Variants in CCER2 observed in about 807,000 individuals in gnomAD.
CCER2 encodes the protein coiled-coil domain-containing glutamate-rich protein 2.
In CCER2, 20 loss-of-function variants were observed where a neutral mutation model predicts 27.1. That is an observed-to-expected ratio of 0.74 (90% CI 0.52 to 1.07). The LOEUF (loss-of-function observed/expected upper bound fraction) is 1.07, where lower values mean the gene tolerates loss of function less well. Among genes scored for constraint, CCER2 ranks in the 50% least tolerant of loss-of-function variants. The pLI is 0.00. For synonymous variants in CCER2, 140 were observed against 144.3 expected (o/e 0.97, Z 0.21); for missense variants, 351 against 344.7 (o/e 1.02, Z -0.14).
In CCER2 at chr19:38,910,926, C is replaced by T; in HGVS notation, c.348G>A (p.Glu116=). The change falls in exon 4 of 5, where the codon GAG becomes GAA. Residue 116 remains glutamate, a synonymous_variant. Transcript: ENST00000571838. ...GCATGCGGATGGCTTGTTCCTGGAC[C>T]TCAGACTTGTGGGTCCTCTCTGCTA... ...EEVAERTHKS[E]VQEQAIRMQG... The T allele has an allele frequency of 6.6e-7, 1 of 1,519,214 alleles. No homozygotes were observed. The highest frequency in any genetic ancestry group is 8.8e-7 in the Non-Finnish European group (1 of 1,138,386). The allele number at this position is 1,519,214 out of a possible 1,614,324, so 94.1% of individuals were successfully genotyped here.
chr19:38,909,240 C>T lies in CCER2; in HGVS notation c.797G>A (p.Gly266Asp), dbSNP rs1323046523. The T allele has an allele frequency of 6.5e-7, 1 of 1,535,258 alleles. No homozygotes were observed. The highest frequency in any genetic ancestry group is 1.4e-5 in the African/African-American group (1 of 72,996). ...AAGGAGGGACTGAGGTAGGGGTCAG[C>T]CCTCCCTCCTGAGCTGCTCCCCCAG... ...ETLGEQLRREG is the reference protein window; with the variant it reads ...ETLGEQLRRED The change falls in exon 5 of 5, where the codon GGC becomes GAC. Residue 266 changes from glycine (G) to aspartate (D), a missense_variant. Gly to Asp is a moderately conservative substitution (Grantham distance 94). Transcript: ENST00000571838.
In CCER2 at chr19:38,911,603, C is replaced by G. The variant is rs1422731690; in HGVS notation, c.153G>C (p.Gln51His). The G allele has an allele frequency of 3.3e-6, 5 of 1,535,362 alleles. No homozygotes were observed. ...GAGCAGTGCAGGGTCCTCTCTGGACCTGGCCCACGGTCAGCACCTCTGTGA... is the reference window on the plus strand; with the variant it reads ...GAGCAGTGCAGGGTCCTCTCTGGACGTGGCCCACGGTCAGCACCTCTGTGA... ...EVVTEVLTVG[Q>H]VQRGPCTALL... The change falls in exon 3 of 5, where the codon CAG becomes CAC. Residue 51 changes from glutamine (Q) to histidine (H), a missense_variant. Gln to His is a conservative substitution (Grantham distance 24, BLOSUM62 0). Coordinates refer to ENST00000571838, the MANE Select transcript of CCER2 (RefSeq NM_001243212.2).
intron 4 of CCER2, 62 bp downstream of exon 4, chr19:38,910,501 C>G (rs1025192832): frequency 2.0e-5 from 28 of 1,431,342 alleles, no homozygotes; most frequent in Non-Finnish European, 2.4e-5. Flanking sequence ...TGTGACTCCA[C>G]TGACCATCAT....
At chr19:38,911,178 G>T in intron 3 of CCER2, 95 bp from the exon 4 acceptor site, 1 of 1,245,806 alleles carries the variant, frequency 8.0e-7, no homozygotes, top group Non-Finnish European at 1.1e-6. Context: ...ACTTTGGGAG[G>T]CCGTGGCGGC....
In CCER2 at chr19:38,909,013, T is replaced by G; in HGVS notation, c.*223A>C. 9.5e-7 allele frequency: 1 copy of G among 1,054,498 alleles called. No individual in the cohort carries two copies. The highest frequency in any genetic ancestry group is 1.3e-6 in the Non-Finnish European group (1 of 743,610). The allele number at this position is 1,054,498 out of a possible 1,614,324, so 65.3% of individuals were successfully genotyped here. On this transcript the variant is annotated 3_prime_UTR_variant, in exon 5 of 5. Coordinates refer to ENST00000571838, the MANE Select transcript of CCER2 (RefSeq NM_001243212.2). Reference sequence around the variant, plus strand: ...TTTGTGCTTTATTCACTCAGAAGGGTTGGAGTGGGAGTGCATAGGTGTGGG... The same window carrying G: ...TTTGTGCTTTATTCACTCAGAAGGGGTGGAGTGGGAGTGCATAGGTGTGGG...
At position 38,909,032 on chromosome 19, in the gene CCER2, G is replaced by T; in HGVS notation, c.*204C>A. 1.1e-6 allele frequency: 1 copy of T among 944,068 alleles called. No individual in the cohort carries two copies. The highest frequency in any genetic ancestry group is 1.7e-5 in the African/African-American group (1 of 60,190). 58.5% of individuals were successfully genotyped at this position (944,068 alleles called of 1,614,324 possible). A position where few individuals can be genotyped will look rare whatever the true frequency, so the allele number is the denominator to read the frequency against. On this transcript the variant is annotated 3_prime_UTR_variant, in exon 5 of 5. Transcript: ENST00000571838. ...GAAGGGTTGGAGTGGGAGTGCATAGGTGTGGGGGTGCTTCCTGTGTCAGGG... is the reference window on the plus strand; with the variant it reads ...GAAGGGTTGGAGTGGGAGTGCATAGTTGTGGGGGTGCTTCCTGTGTCAGGG...
At position 38,909,161 on chromosome 19, in the gene CCER2, G is replaced by C. The variant is rs1974248955; in HGVS notation, c.*75C>G. The C allele has an allele frequency of 1.4e-6, 2 of 1,429,554 alleles. No homozygotes were observed. Among genetic ancestry groups the C allele is most frequent in the Non-Finnish European group, 9.5e-7 (1 of 1,052,350 alleles). 88.6% of individuals were successfully genotyped at this position (1,429,554 alleles called of 1,614,324 possible). On this transcript the variant is annotated 3_prime_UTR_variant, in exon 5 of 5. Transcript: ENST00000571838. ...GGGTAGGGGTGGCGTGGGGTGCTAG[G>C]TGAGGTGGAGGCTTCGGGGTCAACA... is the stretch of plus-strand genomic sequence containing the variant.
At position 38,911,855 on chromosome 19, in the gene CCER2, G is replaced by A; in HGVS notation, c.62-3C>T. On this transcript the variant is annotated splice_region_variant and splice_polypyrimidine_tract_variant and intron_variant, in intron 1 of 4. Transcript: ENST00000571838. ...CGGTGCCAAGGGAGCAGCGGTGGCT[G>A]TGGAGAAAGGAGATGGCACTGGGCT... The A allele has an allele frequency of 6.5e-7, 1 of 1,535,056 alleles. No homozygotes were observed. Among genetic ancestry groups the A allele is most frequent in the South Asian group, 1.2e-5 (1 of 84,036 alleles).
rs1394911856 is a variant in CCER2 at position 38,911,428 on chromosome 19, A to G, written c.190+138T>C. On this transcript the variant is annotated intron_variant, in intron 3 of 4. Transcript: ENST00000571838. Reference sequence around the variant, plus strand: ...GCAGTGCCCCGCTGGTCCAGGCAACAGGGCTCTGGGAATGAGGACCTCTTC... The same window carrying G: ...GCAGTGCCCCGCTGGTCCAGGCAACGGGGCTCTGGGAATGAGGACCTCTTC... 4.0e-6 allele frequency: 3 copies of G among 749,410 alleles called. No individual in the cohort carries two copies. In the Admixed American group the frequency reaches 7.5e-5, roughly 19 times the overall value. 46.4% of individuals were successfully genotyped at this position (749,410 alleles called of 1,614,324 possible).
chr19:38,909,965 C>T (rs952106657), intron 4 of CCER2, among the ~76,000 whole-genome samples: 6 of 151,786 alleles, frequency 4.0e-5, no homozygotes, highest in African/African-American at 9.7e-5. Context: ...CTCAAACTCC[C>T]GGGTTCAAGC....
chr19:38,909,893 A>G (rs1413927794), intron 4 of CCER2, among the ~76,000 whole-genome samples: 2 of 142,128 alleles, frequency 1.4e-5, no homozygotes, highest in South Asian at 2.2e-4. Flanking sequence ...TTTTTTTTTT[A>G]AGATGGTTTT....
chr19:38,912,050 G>C, intron 1 of CCER2, 48 bp downstream of exon 1: 1 of 1,516,196 alleles, frequency 6.6e-7, no homozygotes, highest in Non-Finnish European at 8.8e-7. Context: ...TGGAGTCCCC[G>C]CTCCCCGGCC....
In CCER2 at chr19:38,909,116, G is replaced by C; in HGVS notation, c.*120C>G. The C allele has an allele frequency of 8.6e-7, 1 of 1,160,626 alleles. No homozygotes were observed. Among genetic ancestry groups the C allele is most frequent in the Non-Finnish European group, 1.2e-6 (1 of 824,858 alleles). The allele number at this position is 1,160,626 out of a possible 1,614,324, so 71.9% of individuals were successfully genotyped here. A position where few individuals can be genotyped will look rare whatever the true frequency, so the allele number is the denominator to read the frequency against. ...CTCCTTGGGTGTGGTTCCAAGGCAC[G>C]TCCGCCTCCTCCCCTGTTTGGGTAG... On this transcript the variant is annotated 3_prime_UTR_variant, in exon 5 of 5. Coordinates refer to ENST00000571838, the MANE Select transcript of CCER2 (RefSeq NM_001243212.2).
chr19:38,909,154 G>A lies in CCER2; in HGVS notation c.*82C>T, dbSNP rs943147699. The A allele has an allele frequency of 7.2e-7, 1 of 1,387,050 alleles. No homozygotes were observed. Among genetic ancestry groups the A allele is most frequent in the Admixed American group, 2.0e-5 (1 of 50,156 alleles). The allele number at this position is 1,387,050 out of a possible 1,614,324, so 85.9% of individuals were successfully genotyped here. A position where few individuals can be genotyped will look rare whatever the true frequency, so the allele number is the denominator to read the frequency against. On this transcript the variant is annotated 3_prime_UTR_variant, in exon 5 of 5. Coordinates refer to ENST00000571838, the MANE Select transcript of CCER2 (RefSeq NM_001243212.2). ...CCTGTTTGGGTAGGGGTGGCGTGGGGTGCTAGGTGAGGTGGAGGCTTCGGG... is the reference window on the plus strand; with the variant it reads ...CCTGTTTGGGTAGGGGTGGCGTGGGATGCTAGGTGAGGTGGAGGCTTCGGG...
In CCER2 at chr19:38,909,039, G is replaced by A; in HGVS notation, c.*197C>T. The A allele has an allele frequency of 1.1e-6, 1 of 943,694 alleles. No homozygotes were observed. Among genetic ancestry groups the A allele is most frequent in the South Asian group, 1.7e-5 (1 of 57,910 alleles). The allele number at this position is 943,694 out of a possible 1,614,324, so 58.5% of individuals were successfully genotyped here. A position where few individuals can be genotyped will look rare whatever the true frequency, so the allele number is the denominator to read the frequency against. ...TGGAGTGGGAGTGCATAGGTGTGGGGGTGCTTCCTGTGTCAGGGCTGAGCC... is the reference window on the plus strand; with the variant it reads ...TGGAGTGGGAGTGCATAGGTGTGGGAGTGCTTCCTGTGTCAGGGCTGAGCC... On this transcript the variant is annotated 3_prime_UTR_variant, in exon 5 of 5. Transcript: ENST00000571838.
In CCER2 at chr19:38,911,993, C is replaced by G. The variant is rs1056601606; in HGVS notation, c.61+105G>C. The G allele has an allele frequency of 8.1e-6, 12 of 1,475,202 alleles. No individual in the cohort carries two copies. The Admixed American group carries it at 1.5e-4, about 19-fold the overall frequency. The allele number at this position is 1,475,202 out of a possible 1,614,324, so 91.4% of individuals were successfully genotyped here. On this transcript the variant is annotated intron_variant, in intron 1 of 4. Coordinates refer to ENST00000571838, the MANE Select transcript of CCER2 (RefSeq NM_001243212.2). ...GGTGTACTGTCCCCCGCTGGAGGCTCGGCCCCTGAAGCCTCTCCACTGGGT... is the reference window on the plus strand; with the variant it reads ...GGTGTACTGTCCCCCGCTGGAGGCTGGGCCCCTGAAGCCTCTCCACTGGGT...
At chr19:38,911,354 A>G (rs1418572098) in intron 3 of CCER2, among the ~76,000 whole-genome samples, 1 of 152,146 alleles carries the variant, frequency 6.6e-6, no homozygotes, top group Non-Finnish European at 1.5e-5. Flanking sequence ...TCTGCAGGGA[A>G]CCACAAGGGT....
At position 38,909,211 on chromosome 19, in the gene CCER2, G is replaced by A. The variant is rs1480731371; in HGVS notation, c.*25C>T. On this transcript the variant is annotated 3_prime_UTR_variant, in exon 5 of 5. Transcript: ENST00000571838. ...AGTCCTAAGCCACAGGGTGTGTCAG[G>A]AGGAAGGAGGGACTGAGGTAGGGGT... The A allele has an allele frequency of 1.3e-6, 2 of 1,533,244 alleles. No homozygotes were observed. Among genetic ancestry groups the A allele is most frequent in the Non-Finnish European group, 1.7e-6 (2 of 1,144,798 alleles). The allele number at this position is 1,533,244 out of a possible 1,614,324, so 95.0% of individuals were successfully genotyped here.
At position 38,911,671 on chromosome 19, in the gene CCER2, C is replaced by T. The variant is rs1447883957; in HGVS notation, c.103-18G>A. On this transcript the variant is annotated intron_variant, in intron 2 of 4. Transcript: ENST00000571838. ...CGGGTCAGCTGGGGGGCAGGGGTGC[C>T]GGGTCAGAGGGGAGGTTGAGGGCAG... The T allele has an allele frequency of 9.8e-6, 15 of 1,535,056 alleles. No individual in the cohort carries two copies. The highest frequency in any genetic ancestry group is 2.0e-5 in the Admixed American group (1 of 50,978).
Sources: gnomAD v4.1 joint callset for allele counts (sites outside exome capture counted in the v4.1 genomes callset) on GRCh38, gnomAD v4.1.1 for gene constraint, MANE v1.5 for transcripts, NCBI Gene and HGNC (gene_info 2026-07-23, HGNC 2026-07-21) for gene names.